Variants in PIF1 observed in about 807,000 individuals in gnomAD.
PIF1 encodes the protein ATP-dependent DNA helicase PIF1.
A neutral mutation model predicts 62.3 loss-of-function variants in PIF1; 67 were observed. That is an observed-to-expected ratio of 1.08 (90% CI 0.88 to 1.32). The LOEUF is 1.32. Among genes scored for constraint, PIF1 ranks in the 40% most tolerant of loss-of-function variants. The pLI, the probability that PIF1 is intolerant of heterozygous loss-of-function variation, is 0.00. For synonymous variants in PIF1, 364 were observed against 379.5 expected, an observed-to-expected ratio of 0.96 and a Z score of 0.47; for missense variants, 886 against 866.1, an observed-to-expected ratio of 1.02 and a Z score of -0.29.
At chr15:64,825,483 T>TA (rs368925248) in intron 1 of PIF1, 86 bp downstream of exon 1, 1 of 152,026 alleles carries the variant, frequency 6.6e-6, no homozygotes, top group Non-Finnish European at 1.5e-5. Context: ...CCTGGGACCC[T>TA]AGAAGCCGTG....
chr15:64,819,029 A>G, intron 9 of PIF1, 88 bp downstream of exon 9: 1 of 949,720 alleles, frequency 1.1e-6, no homozygotes, highest in South Asian at 2.0e-5. Context: ...CACTGGCTGC[A>G]GAGTGGCCTG....
chr15:64,819,059 G>A, intron 9 of PIF1, 58 bp downstream of exon 9: 3 of 1,336,020 alleles, frequency 2.2e-6, no homozygotes, highest in African/African-American at 1.5e-5. Flanking sequence ...GTAGGGATCA[G>A]CAAGGCCCAT....
chr15:64,826,665 TACACACAC>T (rs796586375), upstream of PIF1, among the ~76,000 whole-genome samples: 2 of 42,790 alleles, frequency 4.7e-5, no homozygotes, highest in African/African-American at 1.9e-4. Context: ...TATATATATA[TACACACAC>T]ACACACATAT....
At chr15:64,825,853 G>T (rs758449843), upstream of PIF1, among the ~76,000 whole-genome samples, 12 of 152,168 alleles carry the variant, frequency 7.9e-5, no homozygotes, top group Non-Finnish European at 1.3e-4. Context: ...TCCAGTGGAC[G>T]GCTGGGCGTG....
In PIF1 at chr15:64,824,092, C is replaced by T; in HGVS notation, c.244G>A (p.Glu82Lys). 1.6e-6 allele frequency: 2 copies of T among 1,266,726 alleles called. No individual in the cohort carries two copies. The highest frequency in any genetic ancestry group is 2.0e-6 in the Non-Finnish European group (2 of 1,007,464). The allele number at this position is 1,266,726 out of a possible 1,614,324, so 78.5% of individuals were successfully genotyped here. A position where few individuals can be genotyped will look rare whatever the true frequency, so the allele number is the denominator to read the frequency against. Residue 82 changes from glutamate to lysine, a missense_variant, in exon 2 of 13, where the codon GAG becomes AAG. By Grantham distance (56) the Glu-to-Lys change is moderately conservative (BLOSUM62 1). Coordinates refer to ENST00000559239, the MANE Select transcript of PIF1 (RefSeq NM_001286496.2). ...AGCCGCAGGGTGCTGCGCCCGGCCT[C>T]GGCGAAACGCGTGAAGAGGCGCGCG... ...RAARLFTRFA[E>K]AGRSTLRLPA...
chr15:64,823,331 T>A (rs1473575657), intron 2 of PIF1: 1 of 152,790 alleles, frequency 6.5e-6, no homozygotes, highest in African/African-American at 2.4e-5. Flanking sequence ...CACTGCAACC[T>A]CTGCCTCCCG....
chr15:64,819,384 C>G (rs1017757233), intron 8 of PIF1, among the ~76,000 whole-genome samples, 161 bp from the exon 9 acceptor site: 1 of 152,138 alleles, frequency 6.6e-6, no homozygotes, highest in African/African-American at 2.4e-5. Context: ...GATCTCGGCT[C>G]ACTGCAACCT....
intron 7 of PIF1, among the ~76,000 whole-genome samples, chr15:64,820,532 G>A (rs1325733284): frequency 6.6e-6 from 1 of 152,244 alleles, no homozygotes; most frequent in African/African-American, 2.4e-5. Context: ...AAGTAGCTGG[G>A]ACTACAGGTG....
chr15:64,816,092 GC>G lies in PIF1; in HGVS notation c.*205del. 1 of 1,452,764 alleles carries G rather than the reference GC, an allele frequency of 6.9e-7. No individual in the cohort carries two copies. Among genetic ancestry groups the G allele is most frequent in the East Asian group, 2.5e-5 (1 of 40,308 alleles). 90.0% of individuals were successfully genotyped at this position (1,452,764 alleles called of 1,614,324 possible). A position where few individuals can be genotyped will look rare whatever the true frequency, so the allele number is the denominator to read the frequency against. On this transcript the variant is annotated 3_prime_UTR_variant, in exon 13 of 13. Transcript: ENST00000559239. ...CTGACCCTACAGCAGCTTACCCAGG[GC>G]AAAGTGAGAGAAACTGAAGCACAGC...
intron 2 of PIF1, 115 bp from the exon 3 acceptor site, chr15:64,822,725 A>G: frequency 1.4e-6 from 2 of 1,453,224 alleles, no homozygotes; most frequent in Non-Finnish European, 9.2e-7. Context: ...TACTGCCTTC[A>G]TTCCATGGAG....
intron 6 of PIF1, 38 bp downstream of exon 6, chr15:64,821,129 G>C: frequency 1.2e-6 from 2 of 1,612,686 alleles, no homozygotes; most frequent in South Asian, 1.1e-5. Context: ...GAGCAGAGCA[G>C]ACCCCCAAGG....
Position 64,816,165 on chromosome 15 carries a change from TGA to T in PIF1, c.*131_*132del. 4 of 1,515,366 alleles carry T rather than the reference TGA, an allele frequency of 2.6e-6. No individual in the cohort carries two copies. Among genetic ancestry groups the T allele is most frequent in the Non-Finnish European group, 3.5e-6 (4 of 1,134,760 alleles). The allele number at this position is 1,515,366 out of a possible 1,614,324, so 93.9% of individuals were successfully genotyped here. A position where few individuals can be genotyped will look rare whatever the true frequency, so the allele number is the denominator to read the frequency against. On this transcript the variant is annotated 3_prime_UTR_variant, in exon 13 of 13. Coordinates refer to ENST00000559239, the MANE Select transcript of PIF1 (RefSeq NM_001286496.2). ...TCTCCCTTTAACCCTGCCAGGAGGC[TGA>T]GAGTCCCTAAAAAATACAGAAGGGG...
chr15:64,818,872 G>A (rs2084236619), intron 9 of PIF1: 3 of 421,766 alleles, frequency 7.1e-6, no homozygotes, highest in African/African-American at 4.1e-5. Context: ...AGGGGACAGA[G>A]CTTCAGCAAG....
In PIF1 at chr15:64,816,210, C is replaced by T. The variant is rs1376836314; in HGVS notation, c.*88G>A. Reference sequence around the variant, plus strand: ...AGAAGGGGACACTGCCTGCCTACTCCAGTTATTCCCTGGGGCCCTGGGCCA... The same window carrying T: ...AGAAGGGGACACTGCCTGCCTACTCTAGTTATTCCCTGGGGCCCTGGGCCA... On this transcript the variant is annotated 3_prime_UTR_variant, in exon 13 of 13. Coordinates refer to ENST00000559239, the MANE Select transcript of PIF1 (RefSeq NM_001286496.2). The T allele has an allele frequency of 3.8e-6, 6 of 1,594,274 alleles. No homozygotes were observed. In the African/African-American group the frequency reaches 8.0e-5, roughly 21 times the overall value.
chr15:64,817,342 C>T (rs556140956), intron 11 of PIF1, among the ~76,000 whole-genome samples: 6 of 151,956 alleles, frequency 3.9e-5, no homozygotes, highest in South Asian at 2.1e-4. Context: ...GACCTGAGTT[C>T]GAGACCAGCC....
At chr15:64,816,405 A>G in intron 12 of PIF1, 48 bp from the exon 13 acceptor site, 1 of 1,612,440 alleles carries the variant, frequency 6.2e-7, no homozygotes, top group Non-Finnish European at 8.5e-7. Flanking sequence ...GCTGTTCCCC[A>G]GGACCATAAC....
upstream of PIF1, among the ~76,000 whole-genome samples, chr15:64,826,875 G>A (rs942938904): frequency 2.0e-5 from 3 of 151,196 alleles, no homozygotes; most frequent in African/African-American, 4.9e-5. Flanking sequence ...ACAGGCATGA[G>A]CCCGGACCTT....
In PIF1 at chr15:64,824,043, G is replaced by C; in HGVS notation, c.293C>G (p.Ala98Gly). Residue 98 changes from alanine to glycine, a missense_variant, in exon 2 of 13, where the codon GCC (alanine) becomes GGC (glycine). Ala to Gly is a moderately conservative substitution (Grantham distance 60). Coordinates refer to ENST00000559239, the MANE Select transcript of PIF1 (RefSeq NM_001286496.2). ...LRLPAHDTPG[A>G]GAVQLLLSDC... ...CGAGAGCAGCAGCTGCACTGCGCCG[G>C]CCCCGGGGGTGTCGTGGGCGGGGAG... 7.9e-7 allele frequency: 1 copy of C among 1,266,432 alleles called. No homozygotes were observed. The allele number at this position is 1,266,432 out of a possible 1,614,324, so 78.4% of individuals were successfully genotyped here.
At chr15:64,819,055 A>G (rs1400043866) in intron 9 of PIF1, 62 bp downstream of exon 9, 1 of 1,298,446 alleles carries the variant, frequency 7.7e-7, no homozygotes, top group Non-Finnish European at 1.0e-6. Flanking sequence ...AGGGGTAGGG[A>G]TCAGCAAGGC....
Sources: allele counts gnomAD v4.1 joint callset (sites outside exome capture counted in the v4.1 genomes callset), GRCh38; gene constraint gnomAD v4.1.1; transcripts MANE v1.5; gene names NCBI Gene and HGNC (gene_info 2026-07-23, HGNC 2026-07-21).